The following CELF5 variants were observed in gnomAD, a reference collection of about 807,000 sequenced individuals.
CELF5 encodes the protein CUG-BP and ETR-3 like factor 5.
A neutral mutation model predicts 54.9 loss-of-function variants in CELF5; 6 were observed. The observed-to-expected ratio is 0.11, with a 90% confidence interval of 0.06 to 0.22. The LOEUF (loss-of-function observed/expected upper bound fraction) is 0.22. Among genes scored for constraint, CELF5 ranks in the 10% least tolerant of loss-of-function variants. The probability of loss-of-function intolerance (pLI) is 1.00; values close to 1 mark genes in which losing one functional copy is unlikely to be tolerated. For missense variants in CELF5, 401 were observed against 678.6 expected, an observed-to-expected ratio of 0.59 and a Z score of 4.54; for synonymous variants, 271 against 290.9, an observed-to-expected ratio of 0.93 and a Z score of 0.70.
intron 1 of CELF5, among the ~76,000 whole-genome samples, chr19:3,245,056 A>G (rs1281600707): frequency 8.6e-6 from 1 of 116,112 alleles, no homozygotes; most frequent in African/African-American, 3.5e-5. Context: ...ACGTGTGCGT[A>G]TGTGTTGTGT....
At chr19:3,231,248 G>A (rs754277346) in intron 1 of CELF5, among the ~76,000 whole-genome samples, 43 of 152,338 alleles carry the variant, frequency 2.8e-4, no homozygotes, top group African/African-American at 1.0e-3. Flanking sequence ...ACAAGGGCAT[G>A]AGGAAATGAG....
At chr19:3,259,280 C>T (rs2079774782) in intron 2 of CELF5, among the ~76,000 whole-genome samples, 1 of 151,876 alleles carries the variant, frequency 6.6e-6, no homozygotes, top group Non-Finnish European at 1.5e-5. Context: ...CTGCCCCCGC[C>T]CCAGGACACT....
intron 1 of CELF5, among the ~76,000 whole-genome samples, chr19:3,241,954 T>C (rs1418538628): frequency 6.6e-6 from 1 of 152,118 alleles, no homozygotes; most frequent in Non-Finnish European, 1.5e-5. Flanking sequence ...TTTGTGTTTT[T>C]AGTAGAGATG....
At chr19:3,257,779 A>ATTTT (rs34573776) in intron 2 of CELF5, among the ~76,000 whole-genome samples, 7 of 123,782 alleles carry the variant, frequency 5.7e-5, no homozygotes, top group Non-Finnish European at 6.8e-5. Context: ...CCCAGCCTCC[A>ATTTT]TTTTTTTTTA....
At chr19:3,241,302 C>T (rs1440914530) in intron 1 of CELF5, among the ~76,000 whole-genome samples, 1 of 151,284 alleles carries the variant, frequency 6.6e-6, no homozygotes, top group East Asian at 1.9e-4. Flanking sequence ...AGCATAGTCT[C>T]TATCTCCTGA....
chr19:3,271,365 C>T (rs1051504011), intron 2 of CELF5, among the ~76,000 whole-genome samples: 2 of 152,042 alleles, frequency 1.3e-5, no homozygotes, highest in African/African-American at 2.4e-5. Flanking sequence ...GAAAGGGCCC[C>T]GGTGTGTATG....
chr19:3,288,357 A>G (rs2080287382), intron 10 of CELF5, among the ~76,000 whole-genome samples: 1 of 151,894 alleles, frequency 6.6e-6, no homozygotes, highest in Admixed American at 6.6e-5. Flanking sequence ...CCCTGTCTCT[A>G]CTAAAAATAC....
Position 3,267,172 on chromosome 19 carries a change from G to T in CELF5, c.343-6700G>T, listed in dbSNP as rs2079894647. Among the ~76,000 whole-genome samples the T allele has an allele frequency of 2.0e-5, 3 of 152,122 alleles. No homozygotes were observed. The East Asian group carries it at 5.8e-4, about 29-fold the overall frequency. On this transcript the variant is annotated intron_variant, in intron 2 of 12. Transcript: ENST00000292672. ...TCTGTCTCTTTATAAGCCAGGAGGGGAGTGATCCAGGTCATTTGCTTGACT... is the reference window on the plus strand; with the variant it reads ...TCTGTCTCTTTATAAGCCAGGAGGGTAGTGATCCAGGTCATTTGCTTGACT...
intron 11 of CELF5, among the ~76,000 whole-genome samples, 189 bp downstream of exon 11, chr19:3,290,563 CTTT>C (rs34393788): frequency 0.4 from 50,303 of 126,822 alleles, 10,269 homozygotes; most frequent in Middle Eastern, 0.58. Context: ...GTTTGGGTTT[CTTT>C]TTTTTTTTTT....
chr19:3,264,484 C>T (rs545703658), intron 2 of CELF5, among the ~76,000 whole-genome samples: 29 of 148,652 alleles, frequency 2.0e-4, no homozygotes, highest in Admixed American at 1.1e-3. Flanking sequence ...AGCGCAATCT[C>T]GGCTCACTGC....
intron 2 of CELF5, among the ~76,000 whole-genome samples, chr19:3,267,797 C>T (rs899465598): frequency 4.4e-5 from 6 of 135,090 alleles, no homozygotes; most frequent in African/African-American, 1.5e-4. Context: ...TGAAACCCCT[C>T]TCTGTGCAGG....
intron 2 of CELF5, among the ~76,000 whole-genome samples, chr19:3,254,726 C>T (rs1271851116): frequency 6.6e-6 from 1 of 151,374 alleles, no homozygotes; most frequent in African/African-American, 2.4e-5. Context: ...TACCATTCAT[C>T]CATTGAGTCA....
In CELF5 at chr19:3,228,040, G is replaced by T. The variant is rs312060; in HGVS notation, c.259+3042G>T. Among the ~76,000 whole-genome samples, 2,109 of 152,214 alleles carry T rather than the reference G, an allele frequency of 0.014. 35 individuals are homozygous for T. Among genetic ancestry groups the T allele is most frequent in the African/African-American group, 0.045 (1,859 of 41,510 alleles). On this transcript the variant is annotated intron_variant, in intron 1 of 12. Coordinates refer to ENST00000292672, the MANE Select transcript of CELF5 (RefSeq NM_021938.4). This position sits in a 1 kb window ranked among gnomAD's most constrained non-coding sequence, Gnocchi z 6.0. ...TCATCCAGGAGCGGGGCAGGGGTAG[G>T]GGGAGAGGGATGCGTCGAGGTGGTC...
chr19:3,240,131 CCTGAGTAG>C (rs112057351), intron 1 of CELF5, among the ~76,000 whole-genome samples: 23,359 of 151,934 alleles, frequency 0.15, 2,048 homozygotes, highest in East Asian at 0.24. Context: ...GCCTCAGCCT[CCTGAGTAG>C]CTGAGTAGCT....
intron 2 of CELF5, among the ~76,000 whole-genome samples, chr19:3,264,419 CTT>C (rs1019093045): frequency 2.3e-5 from 3 of 129,212 alleles, no homozygotes; most frequent in African/African-American, 2.9e-5. Context: ...TCTTTTCTTT[CTT>C]TTTTTTTTTT....
chr19:3,265,381 A>T (rs1304605140), intron 2 of CELF5, among the ~76,000 whole-genome samples: 1 of 152,160 alleles, frequency 6.6e-6, no homozygotes, highest in East Asian at 1.9e-4. Flanking sequence ...AGCAGCTTTT[A>T]TTGCAACAGC....
chr19:3,254,643 C>T (rs576531043), intron 2 of CELF5, among the ~76,000 whole-genome samples: 10 of 151,424 alleles, frequency 6.6e-5, no homozygotes, highest in Non-Finnish European at 1.3e-4. Flanking sequence ...CACCCACCCA[C>T]ACATCTATTA....
rs1917074391 is a variant in CELF5, at chr19:3,228,680, G to T, written c.259+3682G>T. ...GTTTCCATGGGAGCACCAGCTGCCG[G>T]CTCGACTCGGGAGGGGGGGAGGAGG... On this transcript the variant is annotated intron_variant, in intron 1 of 12. Transcript: ENST00000292672. The surrounding 1 kb of genome is among the most constrained non-coding windows in gnomAD (Gnocchi z 6.0). Among the ~76,000 whole-genome samples, 1 of 151,056 alleles carries T rather than the reference G, an allele frequency of 6.6e-6. No individual in the cohort carries two copies. Among genetic ancestry groups the T allele is most frequent in the Non-Finnish European group, 1.5e-5 (1 of 67,526 alleles).
chr19:3,271,587 T>C (rs1367690970), intron 2 of CELF5, among the ~76,000 whole-genome samples: 1 of 151,974 alleles, frequency 6.6e-6, no homozygotes, highest in Non-Finnish European at 1.5e-5. Flanking sequence ...GGAAAGCATA[T>C]GTGCCCGGGA....
Sources: allele counts gnomAD v4.1 joint callset (sites outside exome capture counted in the v4.1 genomes callset), GRCh38; gene constraint gnomAD v4.1.1; non-coding constraint Gnocchi (gnomAD v3.1); transcripts MANE v1.5; gene names NCBI Gene and HGNC (gene_info 2026-07-23, HGNC 2026-07-21).